Variants in KLHL29 observed in about 807,000 individuals in gnomAD.
KLHL29 encodes the protein kelch like family member 29.
KLHL29 carries 21 observed loss-of-function variants against 80.4 expected under a neutral mutation model. The ratio of observed to expected loss-of-function variants is 0.26; its 90% CI spans 0.19 to 0.38. The LOEUF (loss-of-function observed/expected upper bound fraction) is 0.38. Ranked by LOEUF, KLHL29 falls within the 10% of genes least tolerant of loss-of-function variation. The pLI, the probability that KLHL29 is intolerant of heterozygous loss-of-function variation, is 1.00. For missense variants in KLHL29, 867 were observed against 1,223.9 expected (o/e 0.71, Z 4.35); for synonymous variants, 511 against 526.8 (o/e 0.97, Z 0.41).
chr2:23,588,248 G>A (rs1668167227), intron 3 of KLHL29, among the ~76,000 whole-genome samples: 1 of 152,134 alleles, frequency 6.6e-6, no homozygotes, highest in Non-Finnish European at 1.5e-5. Context: ...CAGGAGAGAG[G>A]CTGAGTTGGT....
intron 1 of KLHL29, among the ~76,000 whole-genome samples, chr2:23,406,280 A>G (rs1033962806): frequency 2.7e-5 from 4 of 149,146 alleles, no homozygotes; most frequent in Non-Finnish European, 5.9e-5. Flanking sequence ...GTGAGCCAAG[A>G]TCACACCACT....
chr2:23,474,677 G>A (rs961083091), intron 1 of KLHL29, among the ~76,000 whole-genome samples: 2 of 152,080 alleles, frequency 1.3e-5, no homozygotes, highest in African/African-American at 4.8e-5. Context: ...GACTCGTTGC[G>A]TTGTCAGAGG....
intron 1 of KLHL29, among the ~76,000 whole-genome samples, chr2:23,393,943 C>G (rs1199055198): frequency 6.6e-6 from 1 of 152,168 alleles, no homozygotes; most frequent in East Asian, 1.9e-4. Context: ...GAAGTAATGT[C>G]AAGCATGAGG....
At chr2:23,439,364 G>A (rs1016060607) in intron 1 of KLHL29, among the ~76,000 whole-genome samples, 6 of 151,894 alleles carry the variant, frequency 4.0e-5, no homozygotes, top group East Asian at 1.9e-4. Context: ...TTTTGAATGC[G>A]TTTGCTCTTG....
chr2:23,480,031 A>G (rs1428060076), intron 2 of KLHL29, among the ~76,000 whole-genome samples: 1 of 152,226 alleles, frequency 6.6e-6, no homozygotes, highest in African/African-American at 2.4e-5. Flanking sequence ...TAACTCTGGG[A>G]AAGCCCTATA....
At chr2:23,519,227 G>A (rs528853973) in intron 2 of KLHL29, among the ~76,000 whole-genome samples, 4 of 152,234 alleles carry the variant, frequency 2.6e-5, no homozygotes, top group African/African-American at 7.2e-5. Context: ...TCTTGGACCC[G>A]TCCACTACCC....
At position 23,669,944 on chromosome 2, in the gene KLHL29, C is replaced by A. The variant is rs1378669957; in HGVS notation, c.941-14455C>A. The stretch of plus-strand genomic sequence containing the variant: ...AAATACATGTGGGTAGGGACCCAAG[C>A]AGAGAGGGGTGTCAGTAAAGCCAGA... On this transcript the variant is annotated intron_variant, in intron 5 of 13. Coordinates refer to ENST00000486442, the MANE Select transcript of KLHL29 (RefSeq NM_052920.2). The surrounding 1 kb of genome is among the most constrained non-coding windows in gnomAD (Gnocchi z 4.3). Among the ~76,000 whole-genome samples the A allele has an allele frequency of 2.0e-5, 3 of 152,064 alleles. No homozygotes were observed. The highest frequency in any genetic ancestry group is 7.2e-5 in the African/African-American group (3 of 41,404).
At chr2:23,686,160 G>T (rs1313175443) in intron 6 of KLHL29, among the ~76,000 whole-genome samples, 2 of 1,532 alleles carry the variant, frequency 1.3e-3, no homozygotes, top group African/African-American at 7.2e-3. Flanking sequence ...GGGTGGGGCA[G>T]ATGGCCCTCC....
chr2:23,530,333 G>A (rs1356431107), intron 2 of KLHL29, among the ~76,000 whole-genome samples: 1 of 152,156 alleles, frequency 6.6e-6, no homozygotes, highest in Non-Finnish European at 1.5e-5. Flanking sequence ...CCATCACGCT[G>A]GAATGTTGCC....
intron 1 of KLHL29, among the ~76,000 whole-genome samples, chr2:23,472,484 AT>A (rs1354962117): frequency 5.3e-5 from 8 of 152,278 alleles, no homozygotes; most frequent in African/African-American, 1.9e-4. Flanking sequence ...AAATACAAAA[AT>A]TAGCCGGGCA....
chr2:23,680,007 G>A lies in KLHL29; in HGVS notation c.941-4392G>A, dbSNP rs1178967543. Among the ~76,000 whole-genome samples, 1 of 152,206 alleles carries A rather than the reference G, an allele frequency of 6.6e-6. No homozygotes were observed. Among genetic ancestry groups the A allele is most frequent in the African/African-American group, 2.4e-5 (1 of 41,446 alleles). ...GGAGGAGGAGCGGAGGGAACGGGGAGACCTCCCAGAGGGCTGTGCTGCCCC... is the reference window on the plus strand; with the variant it reads ...GGAGGAGGAGCGGAGGGAACGGGGAAACCTCCCAGAGGGCTGTGCTGCCCC... On this transcript the variant is annotated intron_variant, in intron 5 of 13. Transcript: ENST00000486442. This position sits in a 1 kb window ranked among gnomAD's most constrained non-coding sequence, Gnocchi z 4.1.
chr2:23,533,206 TGTGA>T (rs1371533838), intron 2 of KLHL29, among the ~76,000 whole-genome samples: 1 of 152,026 alleles, frequency 6.6e-6, no homozygotes, highest in Non-Finnish European at 1.5e-5. Flanking sequence ...CATGCGTATG[TGTGA>T]GTGTGTGCAG....
At chr2:23,478,854 C>T (rs1234971524) in intron 2 of KLHL29, among the ~76,000 whole-genome samples, 1 of 152,078 alleles carries the variant, frequency 6.6e-6, no homozygotes, top group East Asian at 1.9e-4. Context: ...TTGCAAATGT[C>T]TCCAGAGCTA....
At chr2:23,477,644 CT>C (rs1664675197) in intron 2 of KLHL29, among the ~76,000 whole-genome samples, 1 of 152,262 alleles carries the variant, frequency 6.6e-6, no homozygotes, top group Admixed American at 6.5e-5. Context: ...GACAGCTGTC[CT>C]TGCTAGCGAT....
intron 2 of KLHL29, among the ~76,000 whole-genome samples, chr2:23,500,239 A>G (rs902856005): frequency 2.6e-5 from 4 of 152,214 alleles, no homozygotes; most frequent in African/African-American, 9.6e-5. Context: ...TAGGGAGTCC[A>G]GGAGGGCTTC....
intron 5 of KLHL29, among the ~76,000 whole-genome samples, chr2:23,659,272 A>T (rs906302660): frequency 2.0e-5 from 3 of 152,092 alleles, no homozygotes; most frequent in Non-Finnish European, 2.9e-5. Context: ...TGAGCTTATT[A>T]CCTTCCAGAC....
chr2:23,466,701 T>C (rs1346153870), intron 1 of KLHL29, among the ~76,000 whole-genome samples: 3 of 152,252 alleles, frequency 2.0e-5, no homozygotes, highest in Non-Finnish European at 2.9e-5. Context: ...ATCTTTGTTA[T>C]GGTTTTTTTA....
chr2:23,561,855 C>T (rs1476854763), intron 2 of KLHL29, among the ~76,000 whole-genome samples: 2 of 152,054 alleles, frequency 1.3e-5, no homozygotes, highest in Non-Finnish European at 2.9e-5. Context: ...AAAATATGCA[C>T]ATTTGTGTCA....
chr2:23,601,380 A>T (rs1668568536), intron 3 of KLHL29, among the ~76,000 whole-genome samples: 1 of 152,192 alleles, frequency 6.6e-6, no homozygotes, highest in Non-Finnish European at 1.5e-5. Flanking sequence ...AATTTATATG[A>T]ATAATTTGTT....
Sources: gnomAD v4.1 joint callset for allele counts (sites outside exome capture counted in the v4.1 genomes callset) on GRCh38, gnomAD v4.1.1 for gene constraint, Gnocchi (gnomAD v3.1) non-coding constraint, MANE v1.5 for transcripts, NCBI Gene and HGNC (gene_info 2026-07-23, HGNC 2026-07-21) for gene names.